The following SHPK variants were observed in gnomAD, a reference collection of about 807,000 sequenced individuals.
The protein encoded by SHPK is carbohydrate kinase-like protein.
A neutral mutation model predicts 46.3 loss-of-function variants in SHPK; 51 were observed. The ratio of observed to expected loss-of-function variants is 1.10; its 90% CI spans 0.88 to 1.39. The LOEUF (loss-of-function observed/expected upper bound fraction) is 1.39, where lower values mean the gene tolerates loss of function less well. Among genes scored for constraint, SHPK ranks in the 40% most tolerant of loss-of-function variants. SHPK has a pLI of 0.00. For missense variants in SHPK, 668 were observed against 641.3 expected (o/e 1.04, Z -0.45); for synonymous variants, 290 against 273.9 (o/e 1.06, Z -0.58).
chr17:3,620,119 G>C (rs1340595861), intron 5 of SHPK, among the ~76,000 whole-genome samples: 2 of 152,158 alleles, frequency 1.3e-5, no homozygotes, highest in African/African-American at 4.8e-5. Context: ...AGTTACAACA[G>C]AGACGGCATG....
chr17:3,624,336 TC>T, intron 2 of SHPK, 105 bp from the exon 3 acceptor site: 2 of 1,085,722 alleles, frequency 1.8e-6, no homozygotes, highest in Non-Finnish European at 2.6e-6. Context: ...GTGCGAATCG[TC>T]CCATGATAAA....
rs2075320286 is a variant in SHPK at position 3,609,176 on chromosome 17, A to G, written c.*1384T>C. ...GCTGGGATTACAGGCGGGAGCCAAC[A>G]TGCCCGGCCAAGAATGGGCTTTAGT... is the stretch of plus-strand genomic sequence containing the variant. On this transcript the variant is annotated 3_prime_UTR_variant, in exon 7 of 7. Transcript: ENST00000225519. 1 of 152,212 alleles carries G rather than the reference A, an allele frequency of 6.6e-6. No homozygotes were observed. Among genetic ancestry groups the G allele is most frequent in the Non-Finnish European group, 1.5e-5 (1 of 68,050 alleles). 9.4% of individuals were successfully genotyped at this position (152,212 alleles called of 1,614,324 possible). A position where few individuals can be genotyped will look rare whatever the true frequency, so the allele number is the denominator to read the frequency against.
chr17:3,615,534 A>G lies in SHPK; in HGVS notation c.827T>C (p.Leu276Pro). The G allele has an allele frequency of 6.2e-7, 1 of 1,614,100 alleles. No homozygotes were observed. Among genetic ancestry groups the G allele is most frequent in the Non-Finnish European group, 8.5e-7 (1 of 1,179,946 alleles). The change falls in exon 6 of 7, where the codon CTC (leucine) becomes CCC (proline). Residue 276 changes from leucine (L) to proline (P), a missense_variant. Physicochemically the swap from Leu to Pro is moderately conservative, Grantham distance 98 (BLOSUM62 -3). Coordinates refer to ENST00000225519, the MANE Select transcript of SHPK (RefSeq NM_013276.4). Reference sequence around the variant, plus strand: ...CAGCTGAACCGAGGTGCTGATGTTGAGAACTGGGGTCCGAAGAGAGCAGAG... The same window carrying G: ...CAGCTGAACCGAGGTGCTGATGTTGGGAACTGGGGTCCGAAGAGAGCAGAG... ...SCMAQRTDAVLNISTSVQLAA... is the reference protein window; with the variant it reads ...SCMAQRTDAVPNISTSVQLAA...
At chr17:3,617,029 G>A (rs2075374770) in intron 5 of SHPK, among the ~76,000 whole-genome samples, 1 of 151,844 alleles carries the variant, frequency 6.6e-6, no homozygotes, top group African/African-American at 2.4e-5. Context: ...CCGCCACTGT[G>A]CCCAGCTAAT....
chr17:3,623,619 G>T lies in SHPK; in HGVS notation c.495-128C>A, dbSNP rs2075415783. On this transcript the variant is annotated intron_variant, in intron 3 of 6. Transcript: ENST00000225519. ...TGGCAGCCACAACCGCATATACTAT[G>T]GCTCAAGTCCAGCTGGGTCCCTGGG... is the stretch of plus-strand genomic sequence containing the variant. 13 of 907,600 alleles carry T rather than the reference G, an allele frequency of 1.4e-5. No individual in the cohort carries two copies. In the South Asian group the frequency reaches 1.7e-4, roughly 12 times the overall value. The allele number at this position is 907,600 out of a possible 1,614,324, so 56.2% of individuals were successfully genotyped here.
intron 2 of SHPK, among the ~76,000 whole-genome samples, chr17:3,628,844 C>T (rs1238432957): frequency 6.6e-6 from 1 of 151,994 alleles, no homozygotes; most frequent in African/African-American, 2.4e-5. Flanking sequence ...AGATGGGGTC[C>T]CACTATGTTG....
Position 3,631,512 on chromosome 17 carries a change from CTTTT to C in SHPK, c.169-1170_169-1167del, listed in dbSNP as rs371958939. 1.8e-3 allele frequency among the ~76,000 whole-genome samples: 93 copies of C among 53,046 alleles called. 1 individual carries two copies. The South Asian group carries it at 0.049, about 28-fold the overall frequency. The allele number at this position is 53,046 out of a possible 152,430, so 34.8% of individuals were successfully genotyped here. ...AAAATATACACTATCTAATTTAATG[CTTTT>C]TTTTTTTTTTTTTTTTTTTTTTTAG... On this transcript the variant is annotated intron_variant, in intron 1 of 6. Coordinates refer to ENST00000225519, the MANE Select transcript of SHPK (RefSeq NM_013276.4).
chr17:3,621,739 A>G (rs1283669966), intron 4 of SHPK, among the ~76,000 whole-genome samples: 4 of 150,340 alleles, frequency 2.7e-5, no homozygotes, highest in Non-Finnish European at 5.9e-5. Flanking sequence ...TGCAACCTCC[A>G]CCTCCCAGGT....
At chr17:3,625,627 C>G (rs551740486) in intron 2 of SHPK, among the ~76,000 whole-genome samples, 11 of 152,292 alleles carry the variant, frequency 7.2e-5, no homozygotes, top group African/African-American at 2.6e-4. Context: ...ACCTCCACCA[C>G]CACCATGCAG....
At chr17:3,622,455 C>G (rs774717586) in intron 4 of SHPK, 6 of 380,444 alleles carry the variant, frequency 1.6e-5, no homozygotes, top group Non-Finnish European at 2.2e-5. Flanking sequence ...TCAAATGCAG[C>G]AGGCTCCTGA....
At chr17:3,625,450 C>A (rs147217306) in intron 2 of SHPK, among the ~76,000 whole-genome samples, 2 of 152,154 alleles carry the variant, frequency 1.3e-5, no homozygotes, top group African/African-American at 2.4e-5. Context: ...GTAAGAAGTG[C>A]GACTACGCCG....
At position 3,630,349 on chromosome 17, in the gene SHPK, G is replaced by A. The variant is rs1206645251; in HGVS notation, c.169-3C>T. On this transcript the variant is annotated splice_region_variant and splice_polypyrimidine_tract_variant and intron_variant, in intron 1 of 6. Coordinates refer to ENST00000225519, the MANE Select transcript of SHPK (RefSeq NM_013276.4). ...CTACTCACATCCTGCTCCCGCCCCTGGAAGCAAAAGAGAACACATGGGCAG... is the reference window on the plus strand; with the variant it reads ...CTACTCACATCCTGCTCCCGCCCCTAGAAGCAAAAGAGAACACATGGGCAG... 16 of 1,605,448 alleles carry A rather than the reference G, an allele frequency of 1.0e-5. No individual in the cohort carries two copies. Among genetic ancestry groups the A allele is most frequent in the Non-Finnish European group, 1.4e-5 (16 of 1,174,974 alleles).
chr17:3,623,983 C>A, intron 3 of SHPK, 65 bp downstream of exon 3: 4 of 1,468,708 alleles, frequency 2.7e-6, no homozygotes, highest in Non-Finnish European at 3.7e-6. Flanking sequence ...GATGCTGACG[C>A]AGCCCCGGCC....
chr17:3,630,965 C>G (rs2150875197), intron 1 of SHPK, among the ~76,000 whole-genome samples: 1 of 152,264 alleles, frequency 6.6e-6, no homozygotes, highest in East Asian at 1.9e-4. Context: ...GAGGAACTAG[C>G]AAAGCTAAGG....
intron 5 of SHPK, among the ~76,000 whole-genome samples, chr17:3,617,850 A>G (rs2075377911): frequency 6.6e-6 from 1 of 152,242 alleles, no homozygotes; most frequent in Non-Finnish European, 1.5e-5. Flanking sequence ...ATAACTGTTT[A>G]TAAAAGTCAG....
chr17:3,617,423 A>C (rs1445590313), intron 5 of SHPK, among the ~76,000 whole-genome samples: 1 of 152,174 alleles, frequency 6.6e-6, no homozygotes, highest in Non-Finnish European at 1.5e-5. Flanking sequence ...CATGACAGAA[A>C]CTGGAACAGG....
intron 6 of SHPK, among the ~76,000 whole-genome samples, chr17:3,612,490 AACCTCGCATG>A (rs1001719809): frequency 1.8e-4 from 28 of 152,194 alleles, no homozygotes; most frequent in African/African-American, 5.5e-4. Flanking sequence ...TTTGATCTAT[AACCTCGCATG>A]ACCTGAGGGA....
At position 3,615,387 on chromosome 17, in the gene SHPK, T is replaced by C. The variant is rs186122425; in HGVS notation, c.974A>G (p.Asn325Ser). 3.5e-5 allele frequency: 56 copies of C among 1,614,008 alleles called. No individual in the cohort carries two copies. The highest frequency in any genetic ancestry group is 6.7e-5 in the Admixed American group (4 of 60,002). Residue 325 changes from asparagine (N) to serine (S), a missense_variant, in exon 6 of 7, where the codon AAT becomes AGT. Transcript: ENST00000225519. The part of the protein sequence containing the change: ...LGVAASLNGG[N>S]VLATFVHMLV... ...CATGTGGACGAACGTGGCCAGCACA[T>C]TGCCCCCGTTGAGTGACGCGGCCAC...
intron 2 of SHPK, 71 bp downstream of exon 2, chr17:3,630,134 C>A: frequency 1.3e-6 from 2 of 1,588,480 alleles, no homozygotes; most frequent in Admixed American, 3.3e-5. Context: ...TCACAGAAAG[C>A]CCCGCACAGC....
Sources: allele counts gnomAD v4.1 joint callset (sites outside exome capture counted in the v4.1 genomes callset), GRCh38; gene constraint gnomAD v4.1.1; transcripts MANE v1.5; gene names NCBI Gene and HGNC (gene_info 2026-07-23, HGNC 2026-07-21).